SPOCK1: variants seen among roughly 807,000 people sequenced by gnomAD.
The protein encoded by SPOCK1 is testican-1.
A neutral mutation model predicts 55.3 loss-of-function variants in SPOCK1; 23 were observed. That is an observed-to-expected ratio of 0.42 (90% CI 0.30 to 0.59). The LOEUF (loss-of-function observed/expected upper bound fraction) is 0.59, where lower values mean the gene tolerates loss of function less well. Ranked by LOEUF, SPOCK1 falls within the 20% of genes least tolerant of loss-of-function variation. The probability of loss-of-function intolerance (pLI) is 0.22; values close to 1 mark genes in which losing one functional copy is unlikely to be tolerated. For missense variants in SPOCK1, 499 were observed against 552.5 expected, an observed-to-expected ratio of 0.90 and a Z score of 0.97; for synonymous variants, 226 against 221.0, an observed-to-expected ratio of 1.02 and a Z score of -0.20.
chr5:137,481,195 G>A (rs1451127794), intron 2 of SPOCK1, among the ~76,000 whole-genome samples: 1 of 151,988 alleles, frequency 6.6e-6, no homozygotes. Context: ...CTCTCTCTCT[G>A]CAAGCCTCTC....
intron 2 of SPOCK1, among the ~76,000 whole-genome samples, chr5:137,322,299 C>T (rs1290519736): frequency 6.6e-6 from 1 of 150,684 alleles, no homozygotes; most frequent in African/African-American, 2.4e-5. Context: ...TGCCACTGCA[C>T]TCCAGCCTGG....
chr5:137,488,556 G>A (rs990184616), intron 2 of SPOCK1, among the ~76,000 whole-genome samples: 4 of 152,154 alleles, frequency 2.6e-5, no homozygotes, highest in African/African-American at 4.8e-5. Context: ...CTAACAGACC[G>A]CTCTGGGCAT....
At position 137,498,275 on chromosome 5, in the gene SPOCK1, C is replaced by CACAA. The variant is rs1415299613; in HGVS notation, c.186+97_186+98insTTGT. 6 of 1,139,402 alleles carry CACAA rather than the reference C, an allele frequency of 5.3e-6. No homozygotes were observed. In the Admixed American group the frequency reaches 2.1e-4, roughly 39 times the overall value. The allele number at this position is 1,139,402 out of a possible 1,614,324, so 70.6% of individuals were successfully genotyped here. ...CCTGTCCCCCTCCCAACCACACACA[C>CACAA]ACACACACACACACACACACACACA... On this transcript the variant is annotated intron_variant, in intron 2 of 10. Coordinates refer to ENST00000394945, the MANE Select transcript of SPOCK1 (RefSeq NM_004598.4).
intron 2 of SPOCK1, among the ~76,000 whole-genome samples, chr5:137,389,808 C>A (rs1751676965): frequency 6.6e-6 from 1 of 152,200 alleles, no homozygotes; most frequent in South Asian, 2.1e-4. Context: ...CTTTAAGGTT[C>A]TGATGGGTAC....
At chr5:137,150,701 G>T (rs1365426874) in intron 3 of SPOCK1, among the ~76,000 whole-genome samples, 1 of 152,066 alleles carries the variant, frequency 6.6e-6, no homozygotes, top group Admixed American at 6.6e-5. Context: ...GGTGTATAAG[G>T]TTGGGGCTTT....
rs1157468016 is a variant in SPOCK1, at chr5:137,498,433, G to T, written c.126C>A (p.Asp42Glu). Residue 42 changes from aspartate (D) to glutamate (E), a missense_variant, in exon 2 of 11, where the codon GAC (aspartate) becomes GAA (glutamate). Around this residue, in one of 3 missense-constraint regions of SPOCK1, gnomAD observed 386 missense variants for 400.6 expected, o/e 0.96. Coordinates refer to ENST00000394945, the MANE Select transcript of SPOCK1 (RefSeq NM_004598.4). The part of the protein sequence containing the change: ...GPNHGNFLDN[D>E]QWLSTVSQYD... Reference sequence around the variant, plus strand: ...ACTGGGAGACGGTGCTCAGCCACTGGTCATTGTCTAGGAAATTGCCGTGGT... The same window carrying T: ...ACTGGGAGACGGTGCTCAGCCACTGTTCATTGTCTAGGAAATTGCCGTGGT... 1.9e-6 allele frequency: 3 copies of T among 1,610,948 alleles called. No individual in the cohort carries two copies. The highest frequency in any genetic ancestry group is 1.1e-5 in the South Asian group (1 of 90,558).
intron 2 of SPOCK1, among the ~76,000 whole-genome samples, chr5:137,356,316 A>G (rs531401232): frequency 1.9e-4 from 29 of 152,310 alleles, no homozygotes; most frequent in African/African-American, 6.3e-4. Flanking sequence ...CATAATGCAT[A>G]AGAGATCTTG....
At chr5:137,459,240 T>C (rs907217807) in intron 2 of SPOCK1, among the ~76,000 whole-genome samples, 6 of 152,180 alleles carry the variant, frequency 3.9e-5, no homozygotes, top group African/African-American at 2.4e-5. Context: ...TCCTCAAGTC[T>C]GAGACAAAGA....
chr5:137,144,166 C>T (rs1352913669), intron 3 of SPOCK1, among the ~76,000 whole-genome samples: 2 of 152,108 alleles, frequency 1.3e-5, no homozygotes, highest in African/African-American at 4.8e-5. Flanking sequence ...GCTCTGGACA[C>T]CTGAGCCCTC....
At chr5:137,058,022 T>G (rs755266409) in intron 6 of SPOCK1, among the ~76,000 whole-genome samples, 8 of 152,178 alleles carry the variant, frequency 5.3e-5, no homozygotes, top group Non-Finnish European at 7.3e-5. Flanking sequence ...TGTGAGGACA[T>G]TAATTCTTTC....
At chr5:137,006,395 T>C (rs1301013771) in intron 6 of SPOCK1, among the ~76,000 whole-genome samples, 1 of 152,200 alleles carries the variant, frequency 6.6e-6, no homozygotes, top group Non-Finnish European at 1.5e-5. Context: ...CAGTGGTTTA[T>C]AGTTCTCCTT....
At chr5:137,440,789 C>T (rs963333725) in intron 2 of SPOCK1, among the ~76,000 whole-genome samples, 2 of 152,152 alleles carry the variant, frequency 1.3e-5, no homozygotes, top group African/African-American at 4.8e-5. Flanking sequence ...CCAAAGCCTA[C>T]TGCTTCAAAA....
intron 6 of SPOCK1, among the ~76,000 whole-genome samples, chr5:137,033,330 C>A (rs1751820317): frequency 6.6e-6 from 1 of 152,214 alleles, no homozygotes; most frequent in African/African-American, 2.4e-5. Flanking sequence ...TCTGAACATG[C>A]TACGTGCCTT....
chr5:137,369,283 G>C (rs1350219946), intron 2 of SPOCK1, among the ~76,000 whole-genome samples: 2 of 152,178 alleles, frequency 1.3e-5, no homozygotes, highest in African/African-American at 4.8e-5. Flanking sequence ...GTGACTTGTG[G>C]CTTCCTCCAT....
rs185871305 is a variant in SPOCK1 at position 137,267,319 on chromosome 5, G to A, written c.187-264C>T. Among the ~76,000 whole-genome samples the A allele has an allele frequency of 1.2e-3, 187 of 152,304 alleles. 1 individual carries two copies. The highest frequency in any genetic ancestry group is 1.8e-3 in the Non-Finnish European group (124 of 68,030). On this transcript the variant is annotated intron_variant, in intron 2 of 10. Coordinates refer to ENST00000394945, the MANE Select transcript of SPOCK1 (RefSeq NM_004598.4). Reference sequence around the variant, plus strand: ...TATAGAAACAGCGCTGCTCTTCTTAGTTTGACATATAAACCCAGACACCTT... The same window carrying A: ...TATAGAAACAGCGCTGCTCTTCTTAATTTGACATATAAACCCAGACACCTT...
rs1326232932 is a variant in SPOCK1, at chr5:136,978,783, G to A, written c.1191C>T (p.Asp397=). 1 of 1,613,936 alleles carries A rather than the reference G, an allele frequency of 6.2e-7. No homozygotes were observed. The highest frequency in any genetic ancestry group is 2.2e-5 in the East Asian group (1 of 44,852). ...GTCCCAGCTCCCGTTCATATTCTAG[G>A]TCATCCAGCAGGACCACGGACCCAC... is the stretch of plus-strand genomic sequence containing the variant. ...GSGGSVVLLD[D]LEYERELGPK... The change falls in exon 11 of 11, where the codon GAC becomes GAT. Residue 397 remains aspartate (D), a synonymous_variant. Coordinates refer to ENST00000394945, the MANE Select transcript of SPOCK1 (RefSeq NM_004598.4).
chr5:137,040,685 C>T (rs778173634), intron 6 of SPOCK1, among the ~76,000 whole-genome samples: 7 of 152,192 alleles, frequency 4.6e-5, no homozygotes, highest in Non-Finnish European at 8.8e-5. Context: ...AGATCCAGTT[C>T]ATCCTAAAAC....
intron 5 of SPOCK1, among the ~76,000 whole-genome samples, chr5:137,110,494 GA>G (rs1230647989): frequency 6.6e-6 from 1 of 152,210 alleles, no homozygotes; most frequent in Non-Finnish European, 1.5e-5. Flanking sequence ...GGGAATGGGG[GA>G]TAGAAATGAC....
At chr5:137,116,645 T>TAA (rs879624734) in intron 4 of SPOCK1, among the ~76,000 whole-genome samples, 2 of 143,082 alleles carry the variant, frequency 1.4e-5, no homozygotes, top group African/African-American at 2.6e-5. Flanking sequence ...AAACTCTGTC[T>TAA]AAAAAAAAAA....
Sources: gnomAD v4.1 joint callset for allele counts (sites outside exome capture counted in the v4.1 genomes callset) on GRCh38, gnomAD v4.1.1 for gene constraint, gnomAD v4.1.1 regional missense constraint, MANE v1.5 for transcripts, NCBI Gene and HGNC (gene_info 2026-07-23, HGNC 2026-07-21) for gene names.